Variants in PPP1R12A observed in about 807,000 individuals in gnomAD.
PPP1R12A encodes the protein myosin binding subunit.
PPP1R12A carries 19 observed loss-of-function variants against 139.6 expected under a neutral mutation model. That is an observed-to-expected ratio of 0.14 (90% confidence interval 0.09 to 0.20). The LOEUF is 0.20. Among genes scored for constraint, PPP1R12A ranks in the 10% least tolerant of loss-of-function variants. The pLI is 1.00. For synonymous variants in PPP1R12A, 427 were observed against 420.6 expected (o/e 1.02, Z -0.19); for missense variants, 925 against 1,211.5 (o/e 0.76, Z 3.51).
At chr12:79,870,830 C>A (rs1382025207) in intron 2 of PPP1R12A, among the ~76,000 whole-genome samples, 1 of 152,152 alleles carries the variant, frequency 6.6e-6, no homozygotes, top group African/African-American at 2.4e-5. Flanking sequence ...CTGAATATGC[C>A]AAGATATTTA....
intron 1 of PPP1R12A, among the ~76,000 whole-genome samples, chr12:79,933,004 G>T (rs1382601563): frequency 6.6e-6 from 1 of 152,160 alleles, no homozygotes; most frequent in Admixed American, 6.5e-5. Flanking sequence ...ACACTTGAAA[G>T]AAATTTGAAG....
chr12:79,806,345 A>G lies in PPP1R12A; in HGVS notation c.1656-12T>C. ...TACCAAAGGAGCAACTAAACAAAAG[A>G]GTCATATCTATATAGGATGTGTTTG... On this transcript the variant is annotated splice_polypyrimidine_tract_variant and intron_variant, in intron 12 of 24. Transcript: ENST00000450142. The G allele has an allele frequency of 6.2e-7, 1 of 1,607,414 alleles. No individual in the cohort carries two copies. Among genetic ancestry groups the G allele is most frequent in the East Asian group, 2.2e-5 (1 of 44,850 alleles).
At chr12:79,814,304 C>T (rs973657813) in intron 9 of PPP1R12A, among the ~76,000 whole-genome samples, 4 of 150,864 alleles carry the variant, frequency 2.7e-5, no homozygotes, top group Non-Finnish European at 4.4e-5. Flanking sequence ...GGTGAAACCC[C>T]GTCTCTACTA....
At chr12:79,859,480 A>G (rs1881075348) in intron 2 of PPP1R12A, among the ~76,000 whole-genome samples, 1 of 152,204 alleles carries the variant, frequency 6.6e-6, no homozygotes, top group South Asian at 2.1e-4. Flanking sequence ...GATGTTTATA[A>G]AATAAAGGCT....
intron 1 of PPP1R12A, among the ~76,000 whole-genome samples, chr12:79,897,252 A>C (rs925862178): frequency 2.6e-5 from 4 of 152,216 alleles, no homozygotes; most frequent in East Asian, 1.9e-4. Flanking sequence ...CATGGATGCA[A>C]GGTGCAGGTG....
Position 79,821,123 on chromosome 12 carries a change from G to A in PPP1R12A, c.911C>T (p.Ser304Leu). 1 of 1,613,170 alleles carries A rather than the reference G, an allele frequency of 6.2e-7. No homozygotes were observed. Among genetic ancestry groups the A allele is most frequent in the Non-Finnish European group, 8.5e-7 (1 of 1,179,372 alleles). Residue 304 changes from serine to leucine, a missense_variant, in exon 7 of 25, where the codon TCA (serine) becomes TTA (leucine). Ser to Leu is a moderately radical substitution (Grantham distance 145). Transcript: ENST00000450142. ...CTGATTATTGTCCATATTTGCTGTT[G>A]ATTCAATTAGTGGAGATTTCTTGTC... ...KRDKKSPLIESTANMDNNQSQ... is the reference protein window; with the variant it reads ...KRDKKSPLIELTANMDNNQSQ...
chr12:79,871,070 G>T (rs750459212), intron 2 of PPP1R12A, among the ~76,000 whole-genome samples: 23 of 152,124 alleles, frequency 1.5e-4, no homozygotes, highest in Admixed American at 2.6e-4. Context: ...GTAACCAAGA[G>T]GGGAGAAGGC....
intron 9 of PPP1R12A, among the ~76,000 whole-genome samples, chr12:79,816,232 C>T (rs1183866999): frequency 2.6e-5 from 4 of 151,902 alleles, no homozygotes; most frequent in Non-Finnish European, 5.9e-5. Flanking sequence ...ACTCAAAGGA[C>T]AATTGGGAAA....
chr12:79,812,120 T>C (rs894874558), intron 9 of PPP1R12A, among the ~76,000 whole-genome samples: 7 of 152,226 alleles, frequency 4.6e-5, no homozygotes, highest in African/African-American at 1.7e-4. Flanking sequence ...GAGGCAGTAC[T>C]ATCTATCAAT....
At chr12:79,869,208 T>C (rs753624867) in intron 2 of PPP1R12A, among the ~76,000 whole-genome samples, 1 of 152,224 alleles carries the variant, frequency 6.6e-6, no homozygotes, top group Non-Finnish European at 1.5e-5. Context: ...CCATCATTCA[T>C]CTACCTATTC....
chr12:79,815,062 C>T (rs1206522002), intron 9 of PPP1R12A, among the ~76,000 whole-genome samples: 1 of 152,010 alleles, frequency 6.6e-6, no homozygotes, highest in African/African-American at 2.4e-5. Flanking sequence ...ATTACTGGCC[C>T]ACTATACTAA....
At chr12:79,818,611 A>G (rs1041786724) in intron 8 of PPP1R12A, among the ~76,000 whole-genome samples, 1 of 152,204 alleles carries the variant, frequency 6.6e-6, no homozygotes, top group Admixed American at 6.5e-5. Context: ...TGATTTCAAC[A>G]AAGAACAAAA....
intron 23 of PPP1R12A, chr12:79,780,267 A>G (rs906204991): frequency 1.3e-5 from 2 of 152,180 alleles, no homozygotes; most frequent in South Asian, 2.1e-4. Flanking sequence ...TTTAGAGAAA[A>G]TGCATGTAAA....
Position 79,887,538 on chromosome 12 carries a change from T to A in PPP1R12A, c.238-14600A>T, listed in dbSNP as rs78758806. Among the ~76,000 whole-genome samples, 822 of 152,286 alleles carry A rather than the reference T, an allele frequency of 5.4e-3. 5 individuals carry two copies. Among genetic ancestry groups the A allele is most frequent in the African/African-American group, 0.019 (782 of 41,590 alleles). On this transcript the variant is annotated intron_variant, in intron 1 of 24. Transcript: ENST00000450142. ...TCAATATGTGAATGGAAATAAGTTA[T>A]AAGAAAACTTTTTGGAGAAAATAAA...
At chr12:79,808,769 TTCTC>T (rs1344018362) in intron 10 of PPP1R12A, among the ~76,000 whole-genome samples, 192 bp from the exon 11 acceptor site, 2 of 152,200 alleles carry the variant, frequency 1.3e-5, no homozygotes, top group African/African-American at 4.8e-5. Context: ...TTAGTTTTCT[TTCTC>T]TTTTAGCCTG....
intron 1 of PPP1R12A, among the ~76,000 whole-genome samples, chr12:79,932,512 G>A (rs1482156154): frequency 6.6e-6 from 1 of 152,202 alleles, no homozygotes; most frequent in Non-Finnish European, 1.5e-5. Flanking sequence ...TTATGGAAAA[G>A]GGGAGGCGGT....
rs1888195782 is a variant in PPP1R12A, at chr12:79,930,777, A to C, written c.237+3918T>G. 2.0e-5 allele frequency among the ~76,000 whole-genome samples: 3 copies of C among 152,240 alleles called. 1 individual carries two copies. The South Asian group carries it at 6.2e-4, about 32-fold the overall frequency. On this transcript the variant is annotated intron_variant, in intron 1 of 24. Transcript: ENST00000450142. Reference sequence around the variant, plus strand: ...ACAAGAGCAAAACTCCATCTCAAAAAAATAAAATAAAATAAAATAATAAAG... The same window carrying C: ...ACAAGAGCAAAACTCCATCTCAAAACAATAAAATAAAATAAAATAATAAAG...
intron 1 of PPP1R12A, among the ~76,000 whole-genome samples, chr12:79,896,715 C>T (rs1885167010): frequency 2.0e-5 from 3 of 152,098 alleles, no homozygotes; most frequent in Admixed American, 2.0e-4. Flanking sequence ...GAATTGGCCC[C>T]CACTTATTGC....
chr12:79,888,666 A>G (rs1379487192), intron 1 of PPP1R12A, among the ~76,000 whole-genome samples: 2 of 152,212 alleles, frequency 1.3e-5, no homozygotes, highest in Admixed American at 6.5e-5. Context: ...CCTTACTTAC[A>G]TAGCACTTTT....
Sources: gnomAD v4.1 joint callset for allele counts (sites outside exome capture counted in the v4.1 genomes callset) on GRCh38, gnomAD v4.1.1 for gene constraint, MANE v1.5 for transcripts, NCBI Gene and HGNC (gene_info 2026-07-23, HGNC 2026-07-21) for gene names.